The following STARD6 variants were observed in gnomAD, a reference collection of about 807,000 sequenced individuals.
The protein encoded by STARD6 is StAR related lipid transfer domain containing 6.
STARD6 carries 21 observed loss-of-function variants against 22.3 expected under a neutral mutation model. That is an observed-to-expected ratio of 0.94 (90% confidence interval 0.67 to 1.35). The LOEUF (loss-of-function observed/expected upper bound fraction) is 1.35. STARD6 is among the 40% of genes most tolerant of loss of function. The pLI is 0.00. For missense variants in STARD6, 269 were observed against 266.9 expected (o/e 1.01, Z -0.05); for synonymous variants, 80 against 88.1 (o/e 0.91, Z 0.52).
In STARD6 at chr18:54,331,863, C is replaced by A. The variant is rs1261878859; in HGVS notation, c.268-4G>T. The stretch of plus-strand genomic sequence containing the variant: ...TGGTATGACATATGAATGTGTCCTG[C>A]AACAAATCAAACCGTAAAGATAACA... On this transcript the variant is annotated splice_region_variant and splice_polypyrimidine_tract_variant and intron_variant, in intron 5 of 7. Coordinates refer to ENST00000307844, the MANE Select transcript of STARD6 (RefSeq NM_139171.2). The A allele has an allele frequency of 6.4e-7, 1 of 1,567,922 alleles. No individual in the cohort carries two copies. Among genetic ancestry groups the A allele is most frequent in the South Asian group, 1.1e-5 (1 of 87,304 alleles).
At chr18:54,331,699 G>T in intron 6 of STARD6, 43 bp downstream of exon 6, 3 of 1,266,930 alleles carry the variant, frequency 2.4e-6, no homozygotes, top group Non-Finnish European at 3.4e-6. Flanking sequence ...TTTATTAATG[G>T]CTCGCAGTAA....
chr18:54,354,306 A>G (rs1254484111), intron 3 of STARD6, 178 bp downstream of exon 3: 1 of 651,044 alleles, frequency 1.5e-6, no homozygotes. Context: ...ATGGTGCATG[A>G]CAGCCTCAAA....
At chr18:54,354,603 G>C (rs781147122) in intron 2 of STARD6, 26 bp from the exon 3 acceptor site, 1 of 1,532,420 alleles carries the variant, frequency 6.5e-7, no homozygotes, top group Non-Finnish European at 9.0e-7. Context: ...ACAAACAACT[G>C]GTAAGAATAT....
At chr18:54,339,815 A>G (rs1289013062) in intron 4 of STARD6, among the ~76,000 whole-genome samples, 1 of 152,210 alleles carries the variant, frequency 6.6e-6, no homozygotes, top group African/African-American at 2.4e-5. Flanking sequence ...TATGTAGCTA[A>G]TGTTACAATA....
intron 4 of STARD6, among the ~76,000 whole-genome samples, chr18:54,348,072 A>G (rs138027152): frequency 2.6e-5 from 4 of 152,140 alleles, no homozygotes; most frequent in African/African-American, 9.6e-5. Context: ...TGTAAGAATG[A>G]CTTTCATCTT....
intron 4 of STARD6, among the ~76,000 whole-genome samples, chr18:54,350,063 G>C (rs1178149508): frequency 1.3e-5 from 2 of 152,118 alleles, no homozygotes; most frequent in Non-Finnish European, 2.9e-5. Context: ...TCTCCATGCT[G>C]TTTTCCATAG....
intron 4 of STARD6, among the ~76,000 whole-genome samples, chr18:54,339,080 A>AAAAAAAAAAAAAAC (rs2088946148): frequency 7.7e-6 from 1 of 130,356 alleles, no homozygotes; most frequent in Non-Finnish European, 1.6e-5. Flanking sequence ...AAAAAAAAAA[A>AAAAAAAAAAAAAAC]CTCAAAGCAA....
intron 4 of STARD6, among the ~76,000 whole-genome samples, chr18:54,344,802 C>T (rs1315878615): frequency 6.6e-6 from 1 of 152,104 alleles, no homozygotes; most frequent in Admixed American, 6.5e-5. Flanking sequence ...AACAAAACCA[C>T]ATCATTTCAA....
At chr18:54,346,471 C>T (rs1009817261) in intron 4 of STARD6, among the ~76,000 whole-genome samples, 7 of 151,908 alleles carry the variant, frequency 4.6e-5, no homozygotes, top group Admixed American at 2.0e-4. Context: ...GAATATAAAA[C>T]GGTGCGGCCA....
rs2144660220 is a variant in STARD6, at chr18:54,324,643, C to G, written c.*49G>C. 1 of 1,570,256 alleles carries G rather than the reference C, an allele frequency of 6.4e-7. No individual in the cohort carries two copies. The highest frequency in any genetic ancestry group is 8.7e-7 in the Non-Finnish European group (1 of 1,144,784). ...TTGACTTAGAAGTAAACAGCAATAACTACTACACATGATTTTATAGCAGAA... is the reference window on the plus strand; with the variant it reads ...TTGACTTAGAAGTAAACAGCAATAAGTACTACACATGATTTTATAGCAGAA... On this transcript the variant is annotated 3_prime_UTR_variant, in exon 8 of 8. Coordinates refer to ENST00000307844, the MANE Select transcript of STARD6 (RefSeq NM_139171.2).
At position 54,342,422 on chromosome 18, in the gene STARD6, C is replaced by T. The variant is rs1430359245; in HGVS notation, c.141-5171G>A. Among the ~76,000 whole-genome samples, 11 of 105,828 alleles carry T rather than the reference C, an allele frequency of 1.0e-4. 1 individual carries two copies. The highest frequency in any genetic ancestry group is 3.7e-4 in the Admixed American group (4 of 10,700). 69.4% of individuals were successfully genotyped at this position (105,828 alleles called of 152,430 possible). On this transcript the variant is annotated intron_variant, in intron 4 of 7. Transcript: ENST00000307844. Reference sequence around the variant, plus strand: ...AAAGATATCATAAGAAAATGCTCTCCGTCTCCCTCTCCCTCTCCCTCTCCC... The same window carrying T: ...AAAGATATCATAAGAAAATGCTCTCTGTCTCCCTCTCCCTCTCCCTCTCCC...
intron 5 of STARD6, among the ~76,000 whole-genome samples, chr18:54,333,553 G>A (rs2088883713): frequency 6.6e-6 from 1 of 152,180 alleles, no homozygotes; most frequent in South Asian, 2.1e-4. Flanking sequence ...ATGCCCAGTG[G>A]TTCTCAAACT....
chr18:54,335,073 C>T (rs967890488), intron 5 of STARD6, among the ~76,000 whole-genome samples: 1 of 151,996 alleles, frequency 6.6e-6, no homozygotes, highest in East Asian at 1.9e-4. Flanking sequence ...AAACAGATTT[C>T]CTAAGATGGA....
intron 4 of STARD6, among the ~76,000 whole-genome samples, chr18:54,338,066 TGTAA>T (rs1187575045): frequency 3.9e-5 from 6 of 152,280 alleles, no homozygotes; most frequent in African/African-American, 1.2e-4. Context: ...AGTGCAGACT[TGTAA>T]GTATTTCCCA....
chr18:54,334,307 T>C (rs991648047), intron 5 of STARD6, among the ~76,000 whole-genome samples: 1 of 152,212 alleles, frequency 6.6e-6, no homozygotes, highest in African/African-American at 2.4e-5. Flanking sequence ...ATAACTGTTT[T>C]TGCTGATTTC....
At chr18:54,327,991 T>G (rs1183109065) in intron 7 of STARD6, among the ~76,000 whole-genome samples, 10 of 152,178 alleles carry the variant, frequency 6.6e-5, no homozygotes, top group Admixed American at 6.6e-4. Context: ...ACCGTCCTGC[T>G]CTGTCCCACC....
intron 4 of STARD6, among the ~76,000 whole-genome samples, chr18:54,342,514 CATGCGGAGCCG>C (rs1468440308): frequency 1.2e-4 from 16 of 133,144 alleles, no homozygotes; most frequent in Non-Finnish European, 2.0e-4. Flanking sequence ...GTCTCCCTCT[CATGCGGAGCCG>C]AAGCTGGACT....
intron 4 of STARD6, among the ~76,000 whole-genome samples, chr18:54,345,902 C>A (rs191309731): frequency 6.6e-6 from 1 of 152,226 alleles, no homozygotes. Flanking sequence ...TGGACTCCTG[C>A]CTCACACCAT....
At chr18:54,354,024 C>T in intron 4 of STARD6, 30 bp downstream of exon 4, 1 of 1,417,840 alleles carries the variant, frequency 7.1e-7, no homozygotes, top group Non-Finnish European at 9.7e-7. Flanking sequence ...GAATTTAAAA[C>T]AGTAATTGTA....
Sources: gnomAD v4.1 joint callset for allele counts (sites outside exome capture counted in the v4.1 genomes callset) on GRCh38, gnomAD v4.1.1 for gene constraint, MANE v1.5 for transcripts, NCBI Gene and HGNC (gene_info 2026-07-23, HGNC 2026-07-21) for gene names.